TMEM108: variants seen among roughly 807,000 people sequenced by gnomAD.
TMEM108 encodes the protein cancer/testis antigen 124.
A neutral mutation model predicts 35.1 loss-of-function variants in TMEM108; 12 were observed. That is an observed-to-expected ratio of 0.34 (90% CI 0.22 to 0.55). The LOEUF (loss-of-function observed/expected upper bound fraction) is 0.55. Ranked by LOEUF, TMEM108 falls within the 20% of genes least tolerant of loss-of-function variation. The probability of loss-of-function intolerance (pLI) is 0.89; values close to 1 mark genes in which losing one functional copy is unlikely to be tolerated. For missense variants in TMEM108, 680 were observed against 753.3 expected (o/e 0.90, Z 1.14); for synonymous variants, 287 against 308.6 (o/e 0.93, Z 0.73).
chr3:133,165,357 G>C (rs115335250), intron 2 of TMEM108, among the ~76,000 whole-genome samples: 2,713 of 152,280 alleles, frequency 0.018, 80 homozygotes, highest in African/African-American at 0.062. Context: ...GGCCTGGGCA[G>C]ACTTAAATGC....
chr3:133,375,308 C>G (rs953705699), intron 3 of TMEM108, among the ~76,000 whole-genome samples: 29 of 152,292 alleles, frequency 1.9e-4, no homozygotes, highest in African/African-American at 7.0e-4. Flanking sequence ...AGGAGGAGAC[C>G]TTCTTGTGAT....
At position 133,057,957 on chromosome 3, in the gene TMEM108, G is replaced by A. The variant is rs182516906; in HGVS notation, c.-47+11937G>A. Among the ~76,000 whole-genome samples the A allele has an allele frequency of 2.3e-4, 35 of 152,258 alleles. 1 individual carries two copies. Among genetic ancestry groups the A allele is most frequent in the African/African-American group, 8.4e-4 (35 of 41,550 alleles). Reference sequence around the variant, plus strand: ...CAAACTGTGAGACTGGTTGTATTACGTTACTTGTTAATCCTTCTGAAGGAG... The same window carrying A: ...CAAACTGTGAGACTGGTTGTATTACATTACTTGTTAATCCTTCTGAAGGAG... On this transcript the variant is annotated intron_variant, in intron 2 of 5. Transcript: ENST00000321871.
intron 2 of TMEM108, among the ~76,000 whole-genome samples, chr3:133,192,376 C>G (rs769137271): frequency 8.6e-5 from 13 of 152,030 alleles, no homozygotes; most frequent in African/African-American, 1.2e-4. Flanking sequence ...AGGGAGGTGT[C>G]CGTAGTTAGA....
chr3:133,091,316 TC>T (rs1394595906), intron 2 of TMEM108, among the ~76,000 whole-genome samples: 1 of 152,174 alleles, frequency 6.6e-6, no homozygotes, highest in Non-Finnish European at 1.5e-5. Context: ...CAGGTAGGCT[TC>T]CCCAGTGAGT....
chr3:133,133,695 CTT>C (rs543867505), intron 2 of TMEM108, among the ~76,000 whole-genome samples: 13 of 135,456 alleles, frequency 9.6e-5, no homozygotes, highest in Admixed American at 1.5e-4. Flanking sequence ...TTTTTTCTTT[CTT>C]TTTTTTTTTT....
At chr3:133,352,142 G>A (rs1361513121) in intron 3 of TMEM108, among the ~76,000 whole-genome samples, 1 of 152,124 alleles carries the variant, frequency 6.6e-6, no homozygotes, top group Non-Finnish European at 1.5e-5. Flanking sequence ...AACAGGCATG[G>A]TAACTAAACA....
At chr3:133,232,801 T>C (rs985317192) in intron 3 of TMEM108, among the ~76,000 whole-genome samples, 3 of 152,230 alleles carry the variant, frequency 2.0e-5, no homozygotes, top group Non-Finnish European at 2.9e-5. Context: ...CCACTGGCTT[T>C]AGCCCTTTCA....
intron 3 of TMEM108, among the ~76,000 whole-genome samples, chr3:133,315,201 A>G (rs1458693002): frequency 6.6e-6 from 1 of 152,304 alleles, no homozygotes; most frequent in Non-Finnish European, 1.5e-5. Flanking sequence ...AAAGGCATGG[A>G]TTAATATCCT....
chr3:133,389,215 G>T, intron 4 of TMEM108: 1 of 985,658 alleles, frequency 1.0e-6, no homozygotes, highest in Non-Finnish European at 1.2e-6. Context: ...ATTCACACAT[G>T]GTTAATCAAC....
intron 2 of TMEM108, among the ~76,000 whole-genome samples, chr3:133,167,696 C>T (rs868332502): frequency 7.9e-5 from 12 of 152,282 alleles, no homozygotes; most frequent in South Asian, 2.1e-4. Context: ...GTGTGGGGCC[C>T]GCCGAGCCCA....
chr3:133,059,749 A>G (rs1334920780), intron 2 of TMEM108, among the ~76,000 whole-genome samples: 2 of 152,078 alleles, frequency 1.3e-5, no homozygotes, highest in Non-Finnish European at 2.9e-5. Context: ...ACATACAAAA[A>G]TCATTGTTTT....
At chr3:133,110,296 A>G (rs1053900446) in intron 2 of TMEM108, among the ~76,000 whole-genome samples, 1 of 152,204 alleles carries the variant, frequency 6.6e-6, no homozygotes, top group Non-Finnish European at 1.5e-5. Context: ...TTGTTTGAGC[A>G]TTCAGCCACA....
At chr3:133,123,096 C>A (rs552688972) in intron 2 of TMEM108, among the ~76,000 whole-genome samples, 1 of 152,112 alleles carries the variant, frequency 6.6e-6, no homozygotes, top group African/African-American at 2.4e-5. Flanking sequence ...TGTGTATGTA[C>A]GGATACATAT....
intron 3 of TMEM108, among the ~76,000 whole-genome samples, chr3:133,364,895 A>G (rs910759416): frequency 6.6e-6 from 1 of 151,976 alleles, no homozygotes; most frequent in South Asian, 2.1e-4. Flanking sequence ...GCAGGGGGGG[A>G]AGTTGGGCTG....
At chr3:133,272,393 A>G (rs748907270) in intron 3 of TMEM108, among the ~76,000 whole-genome samples, 4 of 151,852 alleles carry the variant, frequency 2.6e-5, no homozygotes, top group Admixed American at 2.6e-4. Context: ...CATAGACCCT[A>G]TGGTCATTAC....
intron 2 of TMEM108, among the ~76,000 whole-genome samples, chr3:133,202,773 T>C (rs1945690145): frequency 3.3e-5 from 5 of 152,188 alleles, no homozygotes; most frequent in Admixed American, 3.3e-4. Flanking sequence ...CTTGGCAATG[T>C]GGGCTCTTTT....
intron 2 of TMEM108, among the ~76,000 whole-genome samples, chr3:133,057,776 A>T: frequency 6.6e-6 from 1 of 152,192 alleles, no homozygotes; most frequent in East Asian, 1.9e-4. Flanking sequence ...AAAGATTCAT[A>T]ATCAGAAATA....
At chr3:133,138,507 A>T (rs568275397) in intron 2 of TMEM108, among the ~76,000 whole-genome samples, 17 of 150,674 alleles carry the variant, frequency 1.1e-4, no homozygotes, top group Non-Finnish European at 2.4e-4. Context: ...TTTGTGTGTG[A>T]TTTTTTTTTT....
intron 3 of TMEM108, among the ~76,000 whole-genome samples, chr3:133,336,939 C>T (rs1390451139): frequency 1.3e-5 from 2 of 151,780 alleles, no homozygotes; most frequent in Non-Finnish European, 2.9e-5. Flanking sequence ...ATGGTAGTAG[C>T]GGCTGTGAGG....
Sources: gnomAD v4.1 joint callset for allele counts (sites outside exome capture counted in the v4.1 genomes callset) on GRCh38, gnomAD v4.1.1 for gene constraint, MANE v1.5 for transcripts, NCBI Gene and HGNC (gene_info 2026-07-23, HGNC 2026-07-21) for gene names.